The following ZSCAN25 variants were observed in gnomAD, a reference collection of about 807,000 sequenced individuals.
ZSCAN25 encodes the protein zinc finger and SCAN domain-containing protein 25.
In ZSCAN25, 27 loss-of-function variants were observed where a neutral mutation model predicts 38.7. The observed-to-expected ratio is 0.70, with a 90% CI of 0.51 to 0.96. The LOEUF (loss-of-function observed/expected upper bound fraction) is 0.96, where lower values mean the gene tolerates loss of function less well. Ranked by LOEUF, ZSCAN25 falls within the 40% of genes least tolerant of loss-of-function variation. ZSCAN25 has a pLI of 0.00. For missense variants in ZSCAN25, 637 were observed against 705.9 expected (o/e 0.90, Z 1.11); for synonymous variants, 273 against 277.7 (o/e 0.98, Z 0.17).
chr7:99,707,998 T>G, the ZSCAN25 span: 1 of 1,613,626 alleles, frequency 6.2e-7, no homozygotes, highest in Non-Finnish European at 8.5e-7. Context: ...GGTAGATATT[T>G]TAAAAGTTAA....
chr7:99,675,682 CTCTT>C, the ZSCAN25 span, among the ~76,000 whole-genome samples: 2 of 89,882 alleles, frequency 2.2e-5, no homozygotes, highest in East Asian at 3.5e-4. Flanking sequence ...TCCTTCCTCT[CTCTT>C]TCTTTCTCTC....
At chr7:99,626,248 G>A (rs1340575119) in intron 7 of ZSCAN25, among the ~76,000 whole-genome samples, 2 of 152,230 alleles carry the variant, frequency 1.3e-5, no homozygotes, top group African/African-American at 4.8e-5. Context: ...GGATGGTGAG[G>A]GTCCTGGAGT....
chr7:99,663,026 C>T, the ZSCAN25 span: 1 of 1,410,344 alleles, frequency 7.1e-7, no homozygotes. Flanking sequence ...CCTGAGTCAC[C>T]AGTGAACAAA....
chr7:99,708,153 C>A, the ZSCAN25 span, among the ~76,000 whole-genome samples: 1 of 152,154 alleles, frequency 6.6e-6, no homozygotes, highest in Non-Finnish European at 1.5e-5. Flanking sequence ...GGTACAGATC[C>A]TTTCTACTCT....
chr7:99,675,310 AAAG>A, the ZSCAN25 span, among the ~76,000 whole-genome samples: 1 of 152,206 alleles, frequency 6.6e-6, no homozygotes, highest in Non-Finnish European at 1.5e-5. Context: ...TAACCATGCA[AAAG>A]AAGGTCCCAG....
the ZSCAN25 span, among the ~76,000 whole-genome samples, chr7:99,657,239 T>G: frequency 1.3e-5 from 2 of 152,242 alleles, no homozygotes; most frequent in South Asian, 2.1e-4. Flanking sequence ...AATTTCCCTC[T>G]ACACATTGCT....
At chr7:99,688,003 A>G in the ZSCAN25 span, among the ~76,000 whole-genome samples, 1 of 152,162 alleles carries the variant, frequency 6.6e-6, no homozygotes, top group African/African-American at 2.4e-5. Flanking sequence ...GCCTGCCCTA[A>G]AAGAGCTCCT....
At chr7:99,728,225 T>A in the ZSCAN25 span, among the ~76,000 whole-genome samples, 1 of 152,354 alleles carries the variant, frequency 6.6e-6, no homozygotes, top group African/African-American at 2.4e-5. Context: ...TTTCATGACC[T>A]CTTCCATGTA....
Position 99,630,262 on chromosome 7 carries a change from A to C in ZSCAN25, c.*242A>C. On this transcript the variant is annotated 3_prime_UTR_variant, in exon 8 of 8. Transcript: ENST00000394152. ...TGAGGGAAGCAGTCTCCTGCGGTTCAGTTCAGGCTGAGATTTTCTCCTTCA... is the reference window on the plus strand; with the variant it reads ...TGAGGGAAGCAGTCTCCTGCGGTTCCGTTCAGGCTGAGATTTTCTCCTTCA... The C allele has an allele frequency of 7.6e-7, 1 of 1,314,066 alleles. No individual in the cohort carries two copies. Among genetic ancestry groups the C allele is most frequent in the Non-Finnish European group, 9.7e-7 (1 of 1,034,426 alleles). The allele number at this position is 1,314,066 out of a possible 1,614,324, so 81.4% of individuals were successfully genotyped here. A position where few individuals can be genotyped will look rare whatever the true frequency, so the allele number is the denominator to read the frequency against.
At chr7:99,685,296 C>T in the ZSCAN25 span, 9 of 1,601,858 alleles carry the variant, frequency 5.6e-6, no homozygotes, top group Admixed American at 1.0e-4. Context: ...GAAACTGTAG[C>T]ATCAAAGTAA....
At chr7:99,665,190 AG>A in the ZSCAN25 span, 1 of 1,613,780 alleles carries the variant, frequency 6.2e-7, no homozygotes, top group Non-Finnish European at 8.5e-7. Flanking sequence ...AATGGATCTA[AG>A]AAACCAAATT....
the ZSCAN25 span, chr7:99,650,098 GAGA>G: frequency 1.9e-6 from 3 of 1,614,014 alleles, no homozygotes; most frequent in Non-Finnish European, 2.5e-6. Context: ...AGGTTTGAAG[GAGA>G]AGTTCTGAAG....
chr7:99,624,769 T>C (rs1386737778), intron 7 of ZSCAN25, among the ~76,000 whole-genome samples: 1 of 152,060 alleles, frequency 6.6e-6, no homozygotes, highest in Non-Finnish European at 1.5e-5. Flanking sequence ...CCATTGTGTG[T>C]GACAGCAGCT....
At chr7:99,621,638 C>T (rs891591208) in intron 5 of ZSCAN25, 64 bp downstream of exon 5, 4 of 1,242,902 alleles carry the variant, frequency 3.2e-6, no homozygotes, top group African/African-American at 1.6e-5. Flanking sequence ...AGCCAACTCT[C>T]TTCAGAAACC....
At chr7:99,719,953 C>T in the ZSCAN25 span, among the ~76,000 whole-genome samples, 1 of 152,296 alleles carries the variant, frequency 6.6e-6, no homozygotes, top group Admixed American at 6.5e-5. Flanking sequence ...GCCAAGACCA[C>T]ACCACTGTAC....
the ZSCAN25 span, among the ~76,000 whole-genome samples, chr7:99,651,081 T>C: frequency 6.6e-6 from 1 of 152,176 alleles, no homozygotes; most frequent in Admixed American, 6.5e-5. Context: ...TTACAGGCTA[T>C]TGCTTCAAAA....
the ZSCAN25 span, among the ~76,000 whole-genome samples, chr7:99,644,481 A>G: frequency 6.6e-6 from 1 of 152,196 alleles, no homozygotes; most frequent in Non-Finnish European, 1.5e-5. Context: ...CTGCCTGAAC[A>G]GCATGAGGGG....
the ZSCAN25 span, among the ~76,000 whole-genome samples, chr7:99,637,523 G>A: frequency 1.3e-5 from 2 of 152,070 alleles, no homozygotes; most frequent in Non-Finnish European, 2.9e-5. Flanking sequence ...GGGAACTTGG[G>A]TTTTATTCCT....
chr7:99,661,805 T>C, the ZSCAN25 span, among the ~76,000 whole-genome samples: 1 of 152,240 alleles, frequency 6.6e-6, no homozygotes, highest in African/African-American at 2.4e-5. Context: ...TGAGTTGAAA[T>C]TGAACTGTAA....
Sources: gnomAD v4.1 joint callset for allele counts (sites outside exome capture counted in the v4.1 genomes callset) on GRCh38, gnomAD v4.1.1 for gene constraint, MANE v1.5 for transcripts, NCBI Gene and HGNC (gene_info 2026-07-23, HGNC 2026-07-21) for gene names.